The following FERMT1 variants were observed in gnomAD, a reference collection of about 807,000 sequenced individuals.
FERMT1 encodes fermitin family homolog 1.
Under a neutral mutation model 85.3 loss-of-function variants are expected in FERMT1, and 60 were observed. The ratio of observed to expected loss-of-function variants is 0.70; its 90% CI spans 0.57 to 0.87. The LOEUF is 0.87. Ranked by LOEUF, FERMT1 falls within the 40% of genes least tolerant of loss-of-function variation. FERMT1 has a pLI of 0.00. For missense variants in FERMT1, 701 were observed against 818.9 expected, an observed-to-expected ratio of 0.86 and a Z score of 1.76; for synonymous variants, 275 against 301.1, an observed-to-expected ratio of 0.91 and a Z score of 0.90.
chr20:6,119,722 T>C, intron 1 of FERMT1, 150 bp from the exon 2 acceptor site: 1 of 639,346 alleles, frequency 1.6e-6, no homozygotes, highest in Non-Finnish European at 2.7e-6. Flanking sequence ...GCTCCAGATA[T>C]CAAATTTGGC....
intron 5 of FERMT1, among the ~76,000 whole-genome samples, 153 bp from the exon 6 acceptor site, chr20:6,107,787 A>G (rs141977611): frequency 9.8e-5 from 15 of 152,304 alleles, no homozygotes; most frequent in African/African-American, 1.4e-4. Flanking sequence ...TGAAAATCTG[A>G]AATTCTCCAA....
chr20:6,084,957 T>G, intron 12 of FERMT1, 109 bp downstream of exon 12: 1 of 1,070,654 alleles, frequency 9.3e-7, no homozygotes, highest in East Asian at 2.5e-5. Flanking sequence ...CCTCCCAAAG[T>G]GCTGGAATTA....
At chr20:6,120,335 T>A (rs1475285222) in intron 1 of FERMT1, 1 of 152,232 alleles carries the variant, frequency 6.6e-6, no homozygotes, top group Non-Finnish European at 1.5e-5. Flanking sequence ...TTTGGATACA[T>A]CTTTGGCAAA....
chr20:6,096,744 T>A (rs1156658459), intron 8 of FERMT1, among the ~76,000 whole-genome samples, 158 bp downstream of exon 8: 1 of 151,960 alleles, frequency 6.6e-6, no homozygotes, highest in Non-Finnish European at 1.5e-5. Context: ...CCATGAAAAG[T>A]TAGTTCACTA....
intron 6 of FERMT1, among the ~76,000 whole-genome samples, chr20:6,099,583 G>A (rs1982601882): frequency 6.6e-6 from 1 of 152,108 alleles, no homozygotes; most frequent in Admixed American, 6.6e-5. Flanking sequence ...GAGATTACCA[G>A]GGGCAAAAGA....
At chr20:6,100,215 G>T (rs942285356) in intron 6 of FERMT1, among the ~76,000 whole-genome samples, 2 of 151,970 alleles carry the variant, frequency 1.3e-5, no homozygotes, top group Non-Finnish European at 2.9e-5. Context: ...ATTGATTGAT[G>T]AATGAATGTA....
chr20:6,109,829 G>A (rs1568663391), intron 5 of FERMT1, among the ~76,000 whole-genome samples: 1 of 151,864 alleles, frequency 6.6e-6, no homozygotes, highest in Non-Finnish European at 1.5e-5. Context: ...TGAACCCAGG[G>A]GGGCAGAGAT....
Position 6,110,664 on chromosome 20 carries a change from G to A in FERMT1, c.533-153C>T, listed in dbSNP as rs191716821. On this transcript the variant is annotated intron_variant, in intron 4 of 14. Coordinates refer to ENST00000217289, the MANE Select transcript of FERMT1 (RefSeq NM_017671.5). ...AGTCAAGCTGGGCACTGTGGCCCGC[G>A]TCTATAATCCTAGCTACTTGGGAGG... 2.6e-5 allele frequency among the ~76,000 whole-genome samples: 4 copies of A among 152,262 alleles called. No individual in the cohort carries two copies. The East Asian group carries it at 7.7e-4, about 29-fold the overall frequency.
chr20:6,122,568 C>G (rs1044813197), intron 1 of FERMT1, among the ~76,000 whole-genome samples: 3 of 152,210 alleles, frequency 2.0e-5, no homozygotes, highest in African/African-American at 7.2e-5. Flanking sequence ...TAAGGCAGCA[C>G]CTGCGGCTGA....
chr20:6,095,436 GACT>G (rs1309000811), intron 8 of FERMT1, among the ~76,000 whole-genome samples: 1 of 152,192 alleles, frequency 6.6e-6, no homozygotes, highest in Non-Finnish European at 1.5e-5. Flanking sequence ...AATTAGAAAT[GACT>G]ACTTTTATAT....
intron 11 of FERMT1, among the ~76,000 whole-genome samples, chr20:6,086,652 G>A (rs1315435086): frequency 6.6e-6 from 1 of 152,164 alleles, no homozygotes; most frequent in African/African-American, 2.4e-5. Context: ...GATCATGGGG[G>A]CAGATATACC....
At chr20:6,113,806 C>T (rs928695306) in intron 3 of FERMT1, among the ~76,000 whole-genome samples, 1 of 152,218 alleles carries the variant, frequency 6.6e-6, no homozygotes, top group African/African-American at 2.4e-5. Context: ...TTCAGTCTTA[C>T]TTCCCTGTCC....
Position 6,110,321 on chromosome 20 carries a change from A to C in FERMT1, c.723T>G (p.Val241=). 6.2e-7 allele frequency: 1 copy of C among 1,613,114 alleles called. No individual in the cohort carries two copies. Among genetic ancestry groups the C allele is most frequent in the Non-Finnish European group, 8.5e-7 (1 of 1,179,830 alleles). ...ACCCTGCATTGAGCTTGGCTTTATCAACCAGAGACCGAGGCTGGTACATAT... is the reference window on the plus strand; with the variant it reads ...ACCCTGCATTGAGCTTGGCTTTATCCACCAGAGACCGAGGCTGGTACATAT... ...LADMYQPRSL[V]DKAKLNAGWL... The change falls in exon 5 of 15, where the codon GTT becomes GTG. Residue 241 remains valine, a synonymous_variant. Transcript: ENST00000217289.
At chr20:6,093,590 C>CT (rs1982423144) in intron 9 of FERMT1, among the ~76,000 whole-genome samples, 1 of 152,160 alleles carries the variant, frequency 6.6e-6, no homozygotes, top group Non-Finnish European at 1.5e-5. Flanking sequence ...CAAATTGTTA[C>CT]TTTTTTCCTG....
rs761426891 is a variant in FERMT1 at position 6,110,409 on chromosome 20, G to A, written c.635C>T (p.Thr212Met). ...TGCGAGGATGCTGCAGTTTTGTTCC[G>A]TCAAAGGGCTGTCACTGAACCAAGT... ...TMTWFSDSPLTEQNCSILAFS... is the reference protein window; with the variant it reads ...TMTWFSDSPLMEQNCSILAFS... Residue 212 changes from threonine (T) to methionine (M), a missense_variant, in exon 5 of 15, where the codon ACG (threonine) becomes ATG (methionine). Thr to Met is a moderately conservative substitution (Grantham distance 81). Coordinates refer to ENST00000217289, the MANE Select transcript of FERMT1 (RefSeq NM_017671.5). 25 of 1,613,900 alleles carry A rather than the reference G, an allele frequency of 1.5e-5. No individual in the cohort carries two copies. Among genetic ancestry groups the A allele is most frequent in the African/African-American group, 4.0e-5 (3 of 74,872 alleles).
At chr20:6,102,453 G>T (rs62200478) in intron 6 of FERMT1, among the ~76,000 whole-genome samples, 19,561 of 151,572 alleles carry the variant, frequency 0.13, 1,657 homozygotes, top group African/African-American at 0.24. Flanking sequence ...GAGGCAGGAG[G>T]ATCTCTTGAG....
intron 4 of FERMT1, among the ~76,000 whole-genome samples, chr20:6,111,406 C>T (rs988114364): frequency 3.3e-5 from 5 of 152,100 alleles, no homozygotes; most frequent in South Asian, 2.1e-4. Flanking sequence ...CTGAGGCAGG[C>T]GGATCACTTG....
At chr20:6,096,023 T>G (rs765585104) in intron 8 of FERMT1, among the ~76,000 whole-genome samples, 3 of 152,208 alleles carry the variant, frequency 2.0e-5, no homozygotes, top group Non-Finnish European at 2.9e-5. Flanking sequence ...GGCATTTCAG[T>G]TATAAAGCTG....
intron 4 of FERMT1, among the ~76,000 whole-genome samples, chr20:6,110,922 T>C (rs553158369): frequency 3.9e-5 from 6 of 152,288 alleles, no homozygotes; most frequent in East Asian, 3.9e-4. Flanking sequence ...GGGACAAACA[T>C]TGGGGACCAC....
Sources: gnomAD v4.1 joint callset for allele counts (sites outside exome capture counted in the v4.1 genomes callset) on GRCh38, gnomAD v4.1.1 for gene constraint, MANE v1.5 for transcripts, NCBI Gene and HGNC (gene_info 2026-07-23, HGNC 2026-07-21) for gene names.